PARM1: variants seen among roughly 807,000 people sequenced by gnomAD.
PARM1 encodes prostate androgen-regulated mucin-like protein 1.
PARM1 carries 14 observed loss-of-function variants against 24.6 expected under a neutral mutation model. The observed-to-expected ratio is 0.57, with a 90% CI of 0.38 to 0.89. PARM1 has a LOEUF of 0.89. Ranked by LOEUF, PARM1 falls within the 40% of genes least tolerant of loss-of-function variation. PARM1 has a pLI of 0.00. For missense variants in PARM1, 362 were observed against 380.4 expected (o/e 0.95, Z 0.40); for synonymous variants, 179 against 156.6 (o/e 1.14, Z -1.07).
intron 1 of PARM1, among the ~76,000 whole-genome samples, chr4:74,950,951 A>G (rs897865765): frequency 2.6e-5 from 4 of 152,144 alleles, no homozygotes; most frequent in African/African-American, 9.7e-5. Flanking sequence ...CAGGAAAAAG[A>G]AAAGGAACGG....
At chr4:75,020,462 A>T (rs1433374585) in intron 2 of PARM1, among the ~76,000 whole-genome samples, 1 of 148,454 alleles carries the variant, frequency 6.7e-6, no homozygotes, top group Non-Finnish European at 1.5e-5. Flanking sequence ...CCATAATCCC[A>T]CCGCAATAGC....
intron 1 of PARM1, among the ~76,000 whole-genome samples, chr4:74,989,418 T>C (rs905902191): frequency 2.6e-5 from 4 of 152,126 alleles, no homozygotes; most frequent in Non-Finnish European, 5.9e-5. Context: ...CAGCTTATGT[T>C]CAAGGATATT....
chr4:75,019,434 C>G (rs999317530), intron 2 of PARM1, among the ~76,000 whole-genome samples: 4 of 152,190 alleles, frequency 2.6e-5, no homozygotes, highest in African/African-American at 9.7e-5. Flanking sequence ...CTTTCACTAT[C>G]CTATTATTTT....
chr4:75,030,127 A>G (rs1283360613), intron 2 of PARM1, among the ~76,000 whole-genome samples: 2 of 152,206 alleles, frequency 1.3e-5, no homozygotes, highest in African/African-American at 2.4e-5. Flanking sequence ...CTGTAATTTT[A>G]CCCAGGGGTG....
chr4:74,968,171 A>G (rs1381625770), intron 1 of PARM1, among the ~76,000 whole-genome samples: 2 of 152,218 alleles, frequency 1.3e-5, no homozygotes, highest in Non-Finnish European at 2.9e-5. Context: ...ACTTGATCCT[A>G]TTTCTGTTTC....
chr4:74,943,552 A>T (rs1389455998), intron 1 of PARM1, among the ~76,000 whole-genome samples: 1 of 152,200 alleles, frequency 6.6e-6, no homozygotes, highest in Non-Finnish European at 1.5e-5. Flanking sequence ...ACACAAGCTA[A>T]ACTTGGAAAA....
rs145096315 is a variant in PARM1, at chr4:74,997,462, G to T, written c.44-14963G>T. On this transcript the variant is annotated intron_variant, in intron 1 of 3. Transcript: ENST00000307428. ...GATCCTCCTTCAAAAAGACCTGAGGGATTACTGGAATCTTCAGACATATCT... is the reference window on the plus strand; with the variant it reads ...GATCCTCCTTCAAAAAGACCTGAGGTATTACTGGAATCTTCAGACATATCT... 4.8e-3 allele frequency among the ~76,000 whole-genome samples: 736 copies of T among 152,288 alleles called. 5 individuals are homozygous for T. Among genetic ancestry groups the T allele is most frequent in the African/African-American group, 0.017 (710 of 41,558 alleles).
chr4:75,018,054 T>G (rs1723021699), intron 2 of PARM1, among the ~76,000 whole-genome samples: 1 of 152,230 alleles, frequency 6.6e-6, no homozygotes, highest in Admixed American at 6.5e-5. Context: ...ATTATTTTAT[T>G]TATCATATTG....
intron 1 of PARM1, chr4:74,966,701 A>C (rs560250581): frequency 1.1e-4 from 16 of 152,286 alleles, no homozygotes; most frequent in African/African-American, 3.9e-4. Context: ...CACTGATACC[A>C]TCTGGTTCGA....
rs201914343 is a variant in PARM1, at chr4:74,962,346, C to CA, written c.43+28984dup. 7.5e-3 allele frequency among the ~76,000 whole-genome samples: 1,126 copies of CA among 150,326 alleles called. 16 individuals are homozygous for CA. The highest frequency in any genetic ancestry group is 0.025 in the African/African-American group (1,044 of 40,970). ...AGAAAATAATTAATGCATTTAACTG[C>CA]AAAAAAAATCAACTAAACAGGAAGA... On this transcript the variant is annotated intron_variant, in intron 1 of 3. Transcript: ENST00000307428.
rs1382025514 is a variant in PARM1 at position 74,933,305 on chromosome 4, T to G, written c.-23T>G. 1.9e-6 allele frequency: 3 copies of G among 1,606,930 alleles called. No homozygotes were observed. The East Asian group carries it at 6.8e-5, about 36-fold the overall frequency. On this transcript the variant is annotated 5_prime_UTR_variant, in exon 1 of 4. Transcript: ENST00000307428. ...AAACTCCTTGCCGCCCGCCCCGGGC[T>G]GGGCACCAAATACCAGGCTACCATG...
At chr4:74,949,185 T>TA (rs753879425) in intron 1 of PARM1, among the ~76,000 whole-genome samples, 13 of 152,264 alleles carry the variant, frequency 8.5e-5, no homozygotes, top group South Asian at 2.1e-4. Context: ...GATCCACAGT[T>TA]AGTTATCCAG....
intron 2 of PARM1, among the ~76,000 whole-genome samples, chr4:75,032,650 A>T (rs1057203593): frequency 6.6e-6 from 1 of 152,188 alleles, no homozygotes; most frequent in Non-Finnish European, 1.5e-5. Flanking sequence ...AAATCATGCA[A>T]GATGGATAGA....
In PARM1 at chr4:75,049,994, T is replaced by C. The variant is rs1723688129; in HGVS notation, c.*3747T>C. ...TTCTCTTGGGGTAAGTTAGCTGAAGTCATTTAAAGATGGAAAGGTGGGAAA... is the reference window on the plus strand; with the variant it reads ...TTCTCTTGGGGTAAGTTAGCTGAAGCCATTTAAAGATGGAAAGGTGGGAAA... On this transcript the variant is annotated 3_prime_UTR_variant, in exon 4 of 4. Coordinates refer to ENST00000307428, the MANE Select transcript of PARM1 (RefSeq NM_015393.4). 6.6e-6 allele frequency: 1 copy of C among 152,428 alleles called. No individual in the cohort carries two copies. Among genetic ancestry groups the C allele is most frequent in the African/African-American group, 2.4e-5 (1 of 41,344 alleles). 9.4% of individuals were successfully genotyped at this position (152,428 alleles called of 1,614,324 possible).
At chr4:74,948,653 C>G (rs964976379) in intron 1 of PARM1, among the ~76,000 whole-genome samples, 1 of 152,162 alleles carries the variant, frequency 6.6e-6, no homozygotes, top group South Asian at 2.1e-4. Context: ...ACAGAGGAAA[C>G]ACAGGAGAGA....
At chr4:74,973,703 A>G (rs1240000698) in intron 1 of PARM1, among the ~76,000 whole-genome samples, 1 of 152,154 alleles carries the variant, frequency 6.6e-6, no homozygotes, top group African/African-American at 2.4e-5. Flanking sequence ...GATAAAACCC[A>G]TAATATTCAC....
In PARM1 at chr4:75,048,569, G is replaced by C. The variant is rs1164433875; in HGVS notation, c.*2322G>C. The C allele has an allele frequency of 1.3e-5, 2 of 152,242 alleles. No homozygotes were observed. Among genetic ancestry groups the C allele is most frequent in the African/African-American group, 4.8e-5 (2 of 41,452 alleles). The allele number at this position is 152,242 out of a possible 1,614,324, so 9.4% of individuals were successfully genotyped here. On this transcript the variant is annotated 3_prime_UTR_variant, in exon 4 of 4. Coordinates refer to ENST00000307428, the MANE Select transcript of PARM1 (RefSeq NM_015393.4). The stretch of plus-strand genomic sequence containing the variant: ...ATGTTTGTGAAACACCTTTGGAGAG[G>C]TGCACTTCTGAATGCTGCCTCTGCC...
At position 75,012,608 on chromosome 4, in the gene PARM1, T is replaced by C; in HGVS notation, c.227T>C (p.Leu76Pro). The C allele has an allele frequency of 6.2e-7, 1 of 1,613,962 alleles. No individual in the cohort carries two copies. The highest frequency in any genetic ancestry group is 8.5e-7 in the Non-Finnish European group (1 of 1,179,868). The change falls in exon 2 of 4, where the codon CTG becomes CCG. Residue 76 changes from leucine to proline, a missense_variant. Leu to Pro is a moderately conservative substitution (Grantham distance 98). Coordinates refer to ENST00000307428, the MANE Select transcript of PARM1 (RefSeq NM_015393.4). ...GTTACAGCATCAGCCCCAACATCTCTGCTTCCTAAGAACATTTCCATAGAG... is the reference window on the plus strand; with the variant it reads ...GTTACAGCATCAGCCCCAACATCTCCGCTTCCTAAGAACATTTCCATAGAG... ...LPVTASAPTS[L>P]LPKNISIESR...
chr4:75,005,844 A>G (rs1006964909), intron 1 of PARM1, among the ~76,000 whole-genome samples: 1 of 152,216 alleles, frequency 6.6e-6, no homozygotes, highest in African/African-American at 2.4e-5. Flanking sequence ...ACTTACAAGG[A>G]GGAATTCCAG....
Sources: gnomAD v4.1 joint callset for allele counts (sites outside exome capture counted in the v4.1 genomes callset) on GRCh38, gnomAD v4.1.1 for gene constraint, MANE v1.5 for transcripts, NCBI Gene and HGNC (gene_info 2026-07-23, HGNC 2026-07-21) for gene names.